The following GPR137C variants were observed in gnomAD, a reference collection of about 807,000 sequenced individuals.
The protein encoded by GPR137C is G protein-coupled receptor 137C.
Under a neutral mutation model 43.4 loss-of-function variants are expected in GPR137C, and 27 were observed. That is an observed-to-expected ratio of 0.62 (90% CI 0.46 to 0.86). GPR137C has a LOEUF of 0.86. GPR137C is among the 40% of genes least tolerant of loss of function. The probability of loss-of-function intolerance (pLI) is 0.00; values close to 1 mark genes in which losing one functional copy is unlikely to be tolerated. For missense variants in GPR137C, 522 were observed against 534.6 expected (o/e 0.98, Z 0.23); for synonymous variants, 285 against 226.9 (o/e 1.26, Z -2.30).
In GPR137C at chr14:52,633,942, G is replaced by A. The variant is rs1255353926; in HGVS notation, c.1108G>A (p.Gly370Arg). 1.3e-6 allele frequency: 2 copies of A among 1,564,468 alleles called. No homozygotes were observed. The highest frequency in any genetic ancestry group is 1.8e-6 in the Non-Finnish European group (2 of 1,135,308). ...GCCAAGACTGGGAAGTTCAAGAGAAGGAAGGTAGATGTAACAAAGCCACTT... is the reference window on the plus strand; with the variant it reads ...GCCAAGACTGGGAAGTTCAAGAGAAAGAAGGTAGATGTAACAAAGCCACTT... Reference protein sequence around the residue: ...DLPRLGSSREGSLPNSQSLGW... With the variant: ...DLPRLGSSRERSLPNSQSLGW... The change falls in exon 6 of 7, where the codon GGA (glycine) becomes AGA (arginine). Residue 370 changes from glycine (G) to arginine (R), a missense_variant. Coordinates refer to ENST00000321662, the MANE Select transcript of GPR137C (RefSeq NM_001099652.2).
intron 3 of GPR137C, among the ~76,000 whole-genome samples, chr14:52,607,749 C>T (rs1265956359): frequency 6.6e-6 from 1 of 152,092 alleles, no homozygotes; most frequent in Non-Finnish European, 1.5e-5. Flanking sequence ...GTGGCGCATG[C>T]CTGTAATCCC....
Position 52,636,207 on chromosome 14 carries a change from C to A in GPR137C, c.*1092C>A, listed in dbSNP as rs1208090785. 2 of 151,874 alleles carry A rather than the reference C, an allele frequency of 1.3e-5. No individual in the cohort carries two copies. Among genetic ancestry groups the A allele is most frequent in the Non-Finnish European group, 2.9e-5 (2 of 67,914 alleles). The allele number at this position is 151,874 out of a possible 1,614,324, so 9.4% of individuals were successfully genotyped here. On this transcript the variant is annotated 3_prime_UTR_variant, in exon 7 of 7. Transcript: ENST00000321662. The stretch of plus-strand genomic sequence containing the variant: ...AATTCAGATTAATTCCAGCATTAGA[C>A]TAAATGAGCAAACTTAAGTAAATGT...
At chr14:52,629,496 C>T (rs1566627047) in intron 3 of GPR137C, among the ~76,000 whole-genome samples, 1 of 152,130 alleles carries the variant, frequency 6.6e-6, no homozygotes, top group Non-Finnish European at 1.5e-5. Flanking sequence ...CTGTAATTAT[C>T]CTCTCAGCAA....
At chr14:52,630,437 T>C (rs567909329) in intron 3 of GPR137C, among the ~76,000 whole-genome samples, 1 of 150,084 alleles carries the variant, frequency 6.7e-6, no homozygotes, top group Non-Finnish European at 1.5e-5. Flanking sequence ...CTGGATTGGT[T>C]TAGATTAACT....
chr14:52,594,605 T>A (rs2038828042), intron 1 of GPR137C, among the ~76,000 whole-genome samples: 1 of 152,220 alleles, frequency 6.6e-6, no homozygotes, highest in Non-Finnish European at 1.5e-5. Flanking sequence ...CTTTGTTGGT[T>A]TAAAGTCTGT....
chr14:52,575,161 G>C (rs1468635057), intron 1 of GPR137C, among the ~76,000 whole-genome samples: 1 of 152,104 alleles, frequency 6.6e-6, no homozygotes, highest in Non-Finnish European at 1.5e-5. Context: ...GAGATTTTTA[G>C]TAACAAAAGC....
intron 3 of GPR137C, among the ~76,000 whole-genome samples, chr14:52,615,729 A>G (rs2039091485): frequency 6.6e-6 from 1 of 152,190 alleles, no homozygotes; most frequent in Non-Finnish European, 1.5e-5. Context: ...TGGCTATTAT[A>G]AATGAGATTA....
chr14:52,606,807 T>G (rs2038988592), intron 3 of GPR137C, among the ~76,000 whole-genome samples: 1 of 152,208 alleles, frequency 6.6e-6, no homozygotes, highest in African/African-American at 2.4e-5. Flanking sequence ...TGCTTTAATC[T>G]TCATTATTTC....
intron 3 of GPR137C, 132 bp from the exon 4 acceptor site, chr14:52,632,026 CAA>C (rs2039300366): frequency 7.2e-6 from 4 of 558,698 alleles, no homozygotes; most frequent in Non-Finnish European, 1.3e-5. Context: ...GCAAGATAAT[CAA>C]GAGTTTATTT....
chr14:52,581,289 ACT>A (rs2038643291), intron 1 of GPR137C, among the ~76,000 whole-genome samples: 1 of 150,840 alleles, frequency 6.6e-6, no homozygotes, highest in Non-Finnish European at 1.5e-5. Context: ...ATCCCAGCAC[ACT>A]GGGAGGCCGA....
At chr14:52,600,364 C>T in intron 3 of GPR137C, 23 bp downstream of exon 3, 1 of 1,321,758 alleles carries the variant, frequency 7.6e-7, no homozygotes, top group Non-Finnish European at 1.1e-6. Context: ...CTTAAATTGG[C>T]ACTTGAAAAT....
At chr14:52,617,677 TCAAA>T (rs569372693) in intron 3 of GPR137C, among the ~76,000 whole-genome samples, 8 of 152,166 alleles carry the variant, frequency 5.3e-5, no homozygotes, top group South Asian at 4.1e-4. Flanking sequence ...AGAGTCCTTC[TCAAA>T]CAAACAAACA....
chr14:52,599,423 AT>A (rs1264914587), intron 2 of GPR137C, among the ~76,000 whole-genome samples: 55 of 147,164 alleles, frequency 3.7e-4, no homozygotes, highest in Non-Finnish European at 5.1e-4. Flanking sequence ...ACTCTTAAAA[AT>A]TTTTTTTTCC....
chr14:52,595,258 CT>C (rs2038838392), intron 1 of GPR137C, among the ~76,000 whole-genome samples: 1 of 152,090 alleles, frequency 6.6e-6, no homozygotes, highest in African/African-American at 2.4e-5. Flanking sequence ...ACATTTTTTC[CT>C]TCATTTCAAC....
Position 52,553,587 on chromosome 14 carries a change from C to A in GPR137C, c.440C>A (p.Ala147Glu), listed in dbSNP as rs777750722. The change falls in exon 1 of 7, where the codon GCG becomes GAG. Residue 147 changes from alanine to glutamate, a missense_variant. Transcript: ENST00000321662. ...STLCLLNLYL[A>E]EVICKVRCAT... ...CTCTGTCTCCTCAACCTCTACCTGG[C>A]GGAGGTAAGGCGGGAGGGCCGGCAT... 1.4e-5 allele frequency: 21 copies of A among 1,544,648 alleles called. No homozygotes were observed. The highest frequency in any genetic ancestry group is 1.8e-5 in the Non-Finnish European group (20 of 1,141,174).
intron 1 of GPR137C, among the ~76,000 whole-genome samples, chr14:52,590,758 G>A (rs1353766900): frequency 6.6e-6 from 1 of 152,138 alleles, no homozygotes; most frequent in African/African-American, 2.4e-5. Context: ...GTATGTAGTA[G>A]GCTATACCAT....
chr14:52,572,352 A>C (rs951805556), intron 1 of GPR137C, among the ~76,000 whole-genome samples: 5 of 152,204 alleles, frequency 3.3e-5, no homozygotes, highest in African/African-American at 1.2e-4. Context: ...TCCTCAATAA[A>C]ATACTGGCAA....
chr14:52,581,255 C>T (rs1594789008), intron 1 of GPR137C, among the ~76,000 whole-genome samples: 3 of 150,758 alleles, frequency 2.0e-5, no homozygotes, highest in East Asian at 3.9e-4. Context: ...AACATCTGGC[C>T]GGGTGCAGTG....
At chr14:52,622,991 T>A (rs2039177843) in intron 3 of GPR137C, among the ~76,000 whole-genome samples, 1 of 152,128 alleles carries the variant, frequency 6.6e-6, no homozygotes, top group South Asian at 2.1e-4. Context: ...TACACACAAT[T>A]GGTCTAGCAC....
Sources: allele counts gnomAD v4.1 joint callset (sites outside exome capture counted in the v4.1 genomes callset), GRCh38; gene constraint gnomAD v4.1.1; transcripts MANE v1.5; gene names NCBI Gene and HGNC (gene_info 2026-07-23, HGNC 2026-07-21).